The following NCOA2 variants were observed in gnomAD, a reference collection of about 807,000 sequenced individuals.
NCOA2 encodes class E basic helix-loop-helix protein 75.
Under a neutral mutation model 145.1 loss-of-function variants are expected in NCOA2, and 21 were observed. That is an observed-to-expected ratio of 0.14 (90% CI 0.10 to 0.21). The LOEUF (loss-of-function observed/expected upper bound fraction) is 0.21. NCOA2 is among the 10% of genes least tolerant of loss of function. The pLI is 1.00. For synonymous variants in NCOA2, 619 were observed against 637.5 expected, an observed-to-expected ratio of 0.97 and a Z score of 0.44; for missense variants, 1,472 against 1,837.6, an observed-to-expected ratio of 0.80 and a Z score of 3.64.
intron 15 of NCOA2, among the ~76,000 whole-genome samples, chr8:70,132,388 A>G (rs2131594007): frequency 6.6e-6 from 1 of 152,312 alleles, no homozygotes; most frequent in East Asian, 1.9e-4. Context: ...TCTGCCCTTT[A>G]GTAGGAATCA....
At chr8:70,166,407 C>G (rs1273430132) in intron 7 of NCOA2, among the ~76,000 whole-genome samples, 159 bp downstream of exon 7, 1 of 152,210 alleles carries the variant, frequency 6.6e-6, no homozygotes, top group East Asian at 1.9e-4. Context: ...CAGTGCTGTT[C>G]TGAAGACTTA....
At chr8:70,216,249 A>C (rs1029782171) in intron 3 of NCOA2, among the ~76,000 whole-genome samples, 1 of 152,236 alleles carries the variant, frequency 6.6e-6, no homozygotes, top group Non-Finnish European at 1.5e-5. Flanking sequence ...TATTCACTAA[A>C]GAGCCACAAT....
intron 1 of NCOA2, among the ~76,000 whole-genome samples, chr8:70,345,334 G>C (rs1808513479): frequency 6.6e-6 from 1 of 152,176 alleles, no homozygotes; most frequent in African/African-American, 2.4e-5. Flanking sequence ...CCAGATAAAA[G>C]TTCAAAGCAT....
the NCOA2 span, among the ~76,000 whole-genome samples, chr8:70,448,474 AC>A: frequency 6.7e-4 from 102 of 152,270 alleles, no homozygotes; most frequent in African/African-American, 2.4e-3. Flanking sequence ...AGTGTACTAT[AC>A]CCTAGGGCTT....
At chr8:70,266,369 G>A (rs1178196289) in intron 2 of NCOA2, among the ~76,000 whole-genome samples, 1 of 152,164 alleles carries the variant, frequency 6.6e-6, no homozygotes, top group Non-Finnish European at 1.5e-5. Flanking sequence ...CTTTGGTAAT[G>A]TCACTTGTTA....
At chr8:70,124,521 C>T (rs1413647096) in intron 20 of NCOA2, among the ~76,000 whole-genome samples, 167 bp downstream of exon 20, 2 of 152,118 alleles carry the variant, frequency 1.3e-5, no homozygotes, top group Non-Finnish European at 2.9e-5. Flanking sequence ...GTACCACCGA[C>T]CAATTTATGA....
intron 2 of NCOA2, among the ~76,000 whole-genome samples, chr8:70,239,403 T>G (rs1487284450): frequency 6.6e-6 from 1 of 152,180 alleles, no homozygotes; most frequent in Non-Finnish European, 1.5e-5. Context: ...ATTTTAGGCA[T>G]GAAGAAACAC....
At chr8:70,395,049 A>G (rs7834380) in intron 1 of NCOA2, among the ~76,000 whole-genome samples, 4,088 of 152,334 alleles carry the variant, frequency 0.027, 172 homozygotes, top group African/African-American at 0.093. Flanking sequence ...GACATGATCT[A>G]CATACATGAA....
At chr8:70,142,532 C>T (rs891732067) in intron 13 of NCOA2, among the ~76,000 whole-genome samples, 2 of 152,010 alleles carry the variant, frequency 1.3e-5, no homozygotes, top group African/African-American at 2.4e-5. Context: ...AGCCTCATCT[C>T]TATAAAAAAT....
chr8:70,115,467 G>A (rs1806987296), intron 22 of NCOA2, among the ~76,000 whole-genome samples: 1 of 152,098 alleles, frequency 6.6e-6, no homozygotes, highest in African/African-American at 2.4e-5. Context: ...TTAGGGGTGG[G>A]GTCCATTACG....
At chr8:70,451,227 A>ATATATATATATATATATAT in the NCOA2 span, among the ~76,000 whole-genome samples, 1 of 113,336 alleles carries the variant, frequency 8.8e-6, no homozygotes, top group African/African-American at 3.9e-5. Context: ...CAAAAAAAAA[A>ATATATATATATATATATAT]AAAAAAAAAA....
the NCOA2 span, among the ~76,000 whole-genome samples, chr8:70,455,448 T>C: frequency 3.3e-5 from 5 of 152,230 alleles, no homozygotes; most frequent in Non-Finnish European, 7.3e-5. Flanking sequence ...TTCGGTTCTG[T>C]TTACCTGGTG....
intron 2 of NCOA2, among the ~76,000 whole-genome samples, chr8:70,240,111 C>T (rs1180539903): frequency 6.6e-6 from 1 of 152,136 alleles, no homozygotes; most frequent in African/African-American, 2.4e-5. Flanking sequence ...GAAGGGCAGC[C>T]CTATTTGACT....
At position 70,372,543 on chromosome 8, in the gene NCOA2, T is replaced by G. The variant is rs149222239; in HGVS notation, c.-77+31157A>C. ...TTTTATGATTCAGCCTAGGTCATAT[T>G]GTGTGGCTAGGAAGTAGGGGAACAG... On this transcript the variant is annotated intron_variant, in intron 1 of 22. Coordinates refer to ENST00000452400, the MANE Select transcript of NCOA2 (RefSeq NM_006540.4). Among the ~76,000 whole-genome samples, 531 of 152,302 alleles carry G rather than the reference T, an allele frequency of 3.5e-3. 4 individuals carry two copies. The highest frequency in any genetic ancestry group is 6.8e-3 in the Middle Eastern group (2 of 294).
intron 1 of NCOA2, among the ~76,000 whole-genome samples, chr8:70,320,674 A>T (rs551086191): frequency 1.5e-4 from 23 of 152,318 alleles, no homozygotes; most frequent in African/African-American, 5.5e-4. Context: ...AAGTTTTTCT[A>T]AAAACTGAGC....
intron 7 of NCOA2, among the ~76,000 whole-genome samples, chr8:70,166,170 C>T (rs1193394349): frequency 1.3e-5 from 2 of 152,170 alleles, no homozygotes; most frequent in South Asian, 4.1e-4. Flanking sequence ...ACTAGATGTT[C>T]AAAGAGCCTA....
At chr8:70,201,031 C>T (rs1392517737) in intron 4 of NCOA2, among the ~76,000 whole-genome samples, 2 of 103,484 alleles carry the variant, frequency 1.9e-5, no homozygotes, top group African/African-American at 3.9e-5. Flanking sequence ...GCCTGGGTAA[C>T]AGGGTGAGAC....
intron 12 of NCOA2, among the ~76,000 whole-genome samples, chr8:70,147,146 G>A (rs1282802109): frequency 1.3e-5 from 2 of 151,366 alleles, no homozygotes; most frequent in East Asian, 2.0e-4. Context: ...GTGTGTGTGT[G>A]TTCTGAGATG....
the NCOA2 span, among the ~76,000 whole-genome samples, chr8:70,425,923 C>T: frequency 2.0e-5 from 3 of 152,130 alleles, no homozygotes; most frequent in Non-Finnish European, 4.4e-5. Context: ...CTCTTCCAAG[C>T]AACAGGCCTA....
Sources: gnomAD v4.1 joint callset for allele counts (sites outside exome capture counted in the v4.1 genomes callset) on GRCh38, gnomAD v4.1.1 for gene constraint, MANE v1.5 for transcripts, NCBI Gene and HGNC (gene_info 2026-07-23, HGNC 2026-07-21) for gene names.